RPL39: variants seen among roughly 807,000 people sequenced by gnomAD.
The protein encoded by RPL39 is large ribosomal subunit protein eL39.
For synonymous variants in RPL39, 8 were observed against 11.4 expected, an observed-to-expected ratio of 0.70 and a Z score of 0.60; for missense variants, 6 against 37.2, an observed-to-expected ratio of 0.16 and a Z score of 2.18.
intron 2 of RPL39, chrX:119,787,611 T>C (rs2055674518): frequency 7.7e-6 from 2 of 261,153 alleles, no homozygotes; most frequent in Admixed American, 5.1e-5. Flanking sequence ...GACCACAGAG[T>C]TTAATAGCAG....
chrX:119,787,373 CATG>C (rs772850765), intron 2 of RPL39: 1 of 374,793 alleles, frequency 2.7e-6, no homozygotes. Flanking sequence ...GTCAATCTGT[CATG>C]ATTTTACCCT....
intron 1 of RPL39, 158 bp downstream of exon 1, chrX:119,791,416 A>G: frequency 2.2e-6 from 1 of 444,836 alleles, no homozygotes; most frequent in Non-Finnish European, 3.4e-6. Context: ...GCTTCCCTCC[A>G]GGCCACGAAA....
At chrX:119,790,587 T>C (rs2055694606) in intron 1 of RPL39, 1 of 112,120 alleles carries the variant, frequency 8.9e-6, no homozygotes, top group Non-Finnish European at 1.9e-5. Context: ...CCTAACTCTA[T>C]CTCTACTGCT....
chrX:119,791,358 C>T, intron 1 of RPL39: 1 of 310,803 alleles, frequency 3.2e-6, no homozygotes, highest in Non-Finnish European at 5.8e-6. Flanking sequence ...CTTGAATCCG[C>T]GGCCGCAGCG....
At chrX:119,790,882 G>A (rs1314363435) in intron 1 of RPL39, 9 of 111,118 alleles carry the variant, frequency 8.1e-5, no homozygotes, top group African/African-American at 2.9e-4. Context: ...TGTAAATTTT[G>A]TCAAGTAATA....
At chrX:119,791,217 CCA>C (rs1406353877) in intron 1 of RPL39, 2 of 222,409 alleles carry the variant, frequency 9.0e-6, no homozygotes, top group Admixed American at 7.4e-5. Flanking sequence ...CACGGGCAGC[CCA>C]CAGTCAGGCC....
chrX:119,791,137 C>A (rs1162469308), intron 1 of RPL39: 1 of 139,225 alleles, frequency 7.2e-6, no homozygotes, highest in Non-Finnish European at 1.6e-5. Context: ...CTTCTCCACG[C>A]CAAGCTAAAC....
chrX:119,791,539 G>C (rs760201490), intron 1 of RPL39, 35 bp downstream of exon 1: 30 of 1,120,162 alleles, frequency 2.7e-5, no homozygotes, highest in Non-Finnish European at 3.4e-5. Context: ...GTTTTGGGAA[G>C]CCACCCCGGG....
intron 2 of RPL39, 111 bp downstream of exon 2, chrX:119,789,797 G>A (rs1021684184): frequency 5.9e-5 from 28 of 474,080 alleles, no homozygotes; most frequent in African/African-American, 4.8e-4. Context: ...TCAAAGGGTG[G>A]ATTGGATTGC....
At chrX:119,789,796 G>C in intron 2 of RPL39, 112 bp downstream of exon 2, 1 of 473,851 alleles carries the variant, frequency 2.1e-6, no homozygotes, top group Non-Finnish European at 3.8e-6. Flanking sequence ...GTCAAAGGGT[G>C]GATTGGATTG....
At chrX:119,789,759 G>A (rs955732770) in intron 2 of RPL39, 149 bp downstream of exon 2, 6 of 431,270 alleles carry the variant, frequency 1.4e-5, no homozygotes, top group East Asian at 3.8e-5. Context: ...AAGGAAGTAC[G>A]TTTTTAAAAA....
rs775750035 is a variant in RPL39, at chrX:119,786,555, T to C, written c.*129A>G. 1.7e-5 allele frequency: 9 copies of C among 526,327 alleles called. No homozygotes were observed. The highest frequency in any genetic ancestry group is 9.7e-5 in the Admixed American group (3 of 31,008). The allele number at this position is 526,327 out of a possible 1,213,427, so 43.4% of individuals were successfully genotyped here. A position where few individuals can be genotyped will look rare whatever the true frequency, so the allele number is the denominator to read the frequency against. On this transcript the variant is annotated 3_prime_UTR_variant, in exon 3 of 3. Coordinates refer to ENST00000361575, the MANE Select transcript of RPL39 (RefSeq NM_001000.4). ...TTACTGAATCCAGCCAACCAACGTGTTCATAACAGATTCAGAGAGGAAAAC... is the reference window on the plus strand; with the variant it reads ...TTACTGAATCCAGCCAACCAACGTGCTCATAACAGATTCAGAGAGGAAAAC...
intron 1 of RPL39, 90 bp downstream of exon 1, chrX:119,791,484 C>T: frequency 1.1e-6 from 1 of 892,383 alleles, no homozygotes; most frequent in Non-Finnish European, 1.5e-6. Flanking sequence ...GCTCCCGCCC[C>T]TCAACGCTCC....
At chrX:119,790,930 C>T (rs2055696729) in intron 1 of RPL39, 1 of 112,028 alleles carries the variant, frequency 8.9e-6, no homozygotes, top group African/African-American at 3.3e-5. Context: ...GTACTTATCG[C>T]CTCCATATCT....
intron 2 of RPL39, 151 bp downstream of exon 2, chrX:119,789,757 A>G (rs2055689183): frequency 2.3e-6 from 1 of 432,541 alleles, no homozygotes; most frequent in Admixed American, 3.8e-5. Context: ...CAAAGGAAGT[A>G]CGTTTTTAAA....
chrX:119,787,405 A>G (rs754369921), intron 2 of RPL39: 1 of 375,202 alleles, frequency 2.7e-6, no homozygotes, highest in South Asian at 2.3e-5. Flanking sequence ...CAAAATCAAA[A>G]ATGATTAACA....
chrX:119,789,749 A>G (rs1406259805), intron 2 of RPL39, among the ~76,000 whole-genome samples, 159 bp downstream of exon 2: 1 of 112,143 alleles, frequency 8.9e-6, no homozygotes, highest in Non-Finnish European at 1.9e-5. Flanking sequence ...TGCAGAAACA[A>G]AGGAAGTACG....
At chrX:119,791,232 G>C in intron 1 of RPL39, 1 of 235,177 alleles carries the variant, frequency 4.3e-6, no homozygotes, top group Non-Finnish European at 8.1e-6. Context: ...GTCAGGCCAC[G>C]ATTTCGGGGG....
At chrX:119,786,835 T>C in intron 2 of RPL39, 103 bp from the exon 3 acceptor site, 1 of 593,980 alleles carries the variant, frequency 1.7e-6, no homozygotes, top group Non-Finnish European at 2.7e-6. Context: ...AGGGTACTGC[T>C]TTTCTCTCCT....
Sources: allele counts gnomAD v4.1 joint callset (sites outside exome capture counted in the v4.1 genomes callset), GRCh38; gene constraint gnomAD v4.1.1; transcripts MANE v1.5; gene names NCBI Gene and HGNC (gene_info 2026-07-23, HGNC 2026-07-21).